The following NSD1 variants were observed in gnomAD, a reference collection of about 807,000 sequenced individuals.
NSD1 encodes histone-lysine N-methyltransferase, H3 lysine-36 specific.
In NSD1, 26 loss-of-function variants were observed where a neutral mutation model predicts 242.7. That is an observed-to-expected ratio of 0.11 (90% CI 0.08 to 0.15). The LOEUF is 0.15. Ranked by LOEUF, NSD1 falls within the 10% of genes least tolerant of loss-of-function variation. NSD1 has a pLI of 1.00. For synonymous variants in NSD1, 1,106 were observed against 1,178.1 expected (o/e 0.94, Z 1.25); for missense variants, 2,495 against 3,272.8 (o/e 0.76, Z 5.80).
intron 3 of NSD1, among the ~76,000 whole-genome samples, chr5:177,199,626 A>T (rs1762365985): frequency 7.9e-6 from 1 of 126,220 alleles, no homozygotes; most frequent in Non-Finnish European, 1.6e-5. Flanking sequence ...TTTGAGATGG[A>T]GTCTCTCTCT....
intron 2 of NSD1, among the ~76,000 whole-genome samples, chr5:177,187,081 C>T (rs901030189): frequency 9.5e-5 from 14 of 147,534 alleles, no homozygotes; most frequent in African/African-American, 3.5e-4. Flanking sequence ...AAATTCTAAT[C>T]GTTACAATTG....
chr5:177,244,084 C>G lies in NSD1; in HGVS notation c.4303-111C>G, dbSNP rs980354859. ...AGGTTGATTTCTTTAATTGCTAAAA[C>G]AAGTCAAAATTCAATATCCATGGCA... On this transcript the variant is annotated intron_variant, in intron 8 of 22. Coordinates refer to ENST00000439151, the MANE Select transcript of NSD1 (RefSeq NM_022455.5). The G allele has an allele frequency of 3.1e-5, 25 of 807,072 alleles. No homozygotes were observed. In the African/African-American group the frequency reaches 4.3e-4, roughly 14 times the overall value. 50.0% of individuals were successfully genotyped at this position (807,072 alleles called of 1,614,324 possible).
intron 10 of NSD1, 57 bp from the exon 11 acceptor site, chr5:177,248,124 G>T: frequency 6.2e-7 from 1 of 1,606,158 alleles, no homozygotes; most frequent in Non-Finnish European, 8.5e-7. Context: ...GAGGGAGGGG[G>T]TCAAATGGAA....
chr5:177,187,304 C>T (rs1052216132), intron 2 of NSD1, among the ~76,000 whole-genome samples: 5 of 151,850 alleles, frequency 3.3e-5, no homozygotes, highest in African/African-American at 1.2e-4. Flanking sequence ...GGGGTTTCAC[C>T]ATGTTTGCCA....
chr5:177,279,891 A>G (rs1003608634), intron 17 of NSD1, among the ~76,000 whole-genome samples: 4 of 151,170 alleles, frequency 2.6e-5, no homozygotes, highest in East Asian at 1.9e-4. Context: ...TGCTGGGATT[A>G]CAGGTGTGAG....
At chr5:177,212,237 A>G (rs774353854) in intron 5 of NSD1, 42 bp downstream of exon 5, 72 of 1,582,990 alleles carry the variant, frequency 4.5e-5, no homozygotes, top group Non-Finnish European at 5.8e-5. Context: ...AAATTGGAGA[A>G]AGTGCTGATA....
At position 177,275,924 on chromosome 5, in the gene NSD1, CTTTG is replaced by C. The variant is rs200330344; in HGVS notation, c.5622+2147_5622+2150del. 2.7e-4 allele frequency among the ~76,000 whole-genome samples: 41 copies of C among 152,222 alleles called. No homozygotes were observed. In the East Asian group the frequency reaches 7.1e-3, roughly 26 times the overall value. On this transcript the variant is annotated intron_variant, in intron 17 of 22. Coordinates refer to ENST00000439151, the MANE Select transcript of NSD1 (RefSeq NM_022455.5). Reference sequence around the variant, plus strand: ...TTTACAAGACAGAATCAGTTTTGTTCTTTGTTTGTTCCTTTGAGACAGGGTCTCC... The same window carrying C: ...TTTACAAGACAGAATCAGTTTTGTTCTTTGTTCCTTTGAGACAGGGTCTCC...
At chr5:177,156,498 T>G (rs2149783335) in intron 2 of NSD1, among the ~76,000 whole-genome samples, 1 of 152,204 alleles carries the variant, frequency 6.6e-6, no homozygotes, top group South Asian at 2.1e-4. Flanking sequence ...TTTAAGAGAA[T>G]TTTTGTTAAA....
chr5:177,167,054 C>T (rs1465734090), intron 2 of NSD1, among the ~76,000 whole-genome samples: 4 of 151,674 alleles, frequency 2.6e-5, no homozygotes, highest in Non-Finnish European at 5.9e-5. Flanking sequence ...CTGTGCCAGA[C>T]CTTGAGTTAC....
chr5:177,223,204 C>T (rs1764375725), intron 5 of NSD1, among the ~76,000 whole-genome samples: 1 of 151,756 alleles, frequency 6.6e-6, no homozygotes, highest in Admixed American at 6.6e-5. Flanking sequence ...GTCTCAGCCT[C>T]CCAAGTAGCT....
rs967834304 is a variant in NSD1, at chr5:177,166,743, CT to C, written c.928-25124del. Among the ~76,000 whole-genome samples, 751 of 133,330 alleles carry C rather than the reference CT, an allele frequency of 5.6e-3. 3 individuals carry two copies. Among genetic ancestry groups the C allele is most frequent in the African/African-American group, 0.013 (478 of 36,494 alleles). The allele number at this position is 133,330 out of a possible 152,430, so 87.5% of individuals were successfully genotyped here. On this transcript the variant is annotated intron_variant, in intron 2 of 22. Transcript: ENST00000439151. ...AGGCCCTTGATAACATTTTGAGTTA[CT>C]TTTTTTTTTTTTTTTTCCCTGAGAT... is the stretch of plus-strand genomic sequence containing the variant.
chr5:177,185,976 ATATATTATATATTT>A (rs1562172254), intron 2 of NSD1, among the ~76,000 whole-genome samples: 1 of 96,912 alleles, frequency 1.0e-5, no homozygotes, highest in African/African-American at 4.2e-5. Context: ...TAACTATATT[ATATATTATATATTT>A]TATATTATAT....
At chr5:177,193,889 T>G (rs1256745496) in intron 3 of NSD1, among the ~76,000 whole-genome samples, 3 of 152,034 alleles carry the variant, frequency 2.0e-5, no homozygotes, top group Non-Finnish European at 4.4e-5. Context: ...ATTCTCCTCC[T>G]GCCTCAGCCT....
intron 2 of NSD1, among the ~76,000 whole-genome samples, chr5:177,188,691 G>A (rs939104325): frequency 6.6e-5 from 10 of 151,916 alleles, no homozygotes; most frequent in African/African-American, 2.4e-4. Context: ...ATTTTTTTTG[G>A]TTATATAGAT....
At chr5:177,234,267 C>A (rs930618836) in intron 5 of NSD1, among the ~76,000 whole-genome samples, 1 of 152,126 alleles carries the variant, frequency 6.6e-6, no homozygotes, top group African/African-American at 2.4e-5. Flanking sequence ...GAGCTGACAT[C>A]GATCTGAATC....
chr5:177,155,575 T>C (rs1448555737), intron 2 of NSD1, among the ~76,000 whole-genome samples: 1 of 151,808 alleles, frequency 6.6e-6, no homozygotes, highest in Admixed American at 6.6e-5. Flanking sequence ...TTTTTTTTTT[T>C]TTTTTTTAAA....
chr5:177,239,981 T>TG (rs1581412053), intron 8 of NSD1, 116 bp downstream of exon 8: 1 of 677,284 alleles, frequency 1.5e-6, no homozygotes, highest in East Asian at 2.8e-5. Context: ...AATTAGTGTG[T>TG]GTGTCAGCAG....
intron 5 of NSD1, among the ~76,000 whole-genome samples, chr5:177,222,194 T>C (rs1407265577): frequency 1.3e-5 from 2 of 152,160 alleles, no homozygotes; most frequent in Non-Finnish European, 2.9e-5. Flanking sequence ...AGTGGCACGA[T>C]CTTGGCTCAT....
chr5:177,162,244 G>A (rs1398364934), intron 2 of NSD1, among the ~76,000 whole-genome samples: 5 of 151,666 alleles, frequency 3.3e-5, no homozygotes, highest in Non-Finnish European at 5.9e-5. Flanking sequence ...GTTGCAGTGA[G>A]CTGAGATCAG....
Sources: gnomAD v4.1 joint callset for allele counts (sites outside exome capture counted in the v4.1 genomes callset) on GRCh38, gnomAD v4.1.1 for gene constraint, MANE v1.5 for transcripts, NCBI Gene and HGNC (gene_info 2026-07-23, HGNC 2026-07-21) for gene names.